The following FREM3 variants were observed in gnomAD, a reference collection of about 807,000 sequenced individuals.
FREM3 encodes FRAS1-related extracellular matrix protein 3.
Under a neutral mutation model 129.1 loss-of-function variants are expected in FREM3, and 105 were observed. The ratio of observed to expected loss-of-function variants is 0.81; its 90% CI spans 0.69 to 0.96. FREM3 has a LOEUF of 0.96. Among genes scored for constraint, FREM3 ranks in the 40% least tolerant of loss-of-function variants. The probability of loss-of-function intolerance (pLI) is 0.00; values close to 1 mark genes in which losing one functional copy is unlikely to be tolerated. For synonymous variants in FREM3, 1,014 were observed against 1,044.9 expected, an observed-to-expected ratio of 0.97 and a Z score of 0.57; for missense variants, 2,593 against 2,666.3, an observed-to-expected ratio of 0.97 and a Z score of 0.61.
At chr4:143,677,545 G>T (rs1443851807) in intron 2 of FREM3, among the ~76,000 whole-genome samples, 1 of 152,200 alleles carries the variant, frequency 6.6e-6, no homozygotes, top group East Asian at 1.9e-4. Flanking sequence ...TGACAAATGG[G>T]ATCTAATTAA....
chr4:143,623,494 C>CG (rs1491458420), intron 4 of FREM3, among the ~76,000 whole-genome samples: 3 of 11,928 alleles, frequency 2.5e-4, no homozygotes, highest in African/African-American at 3.5e-4. Context: ...GAATACTAAT[C>CG]CCCCCCCCCC....
At chr4:143,673,316 G>A (rs776133966) in intron 2 of FREM3, among the ~76,000 whole-genome samples, 1 of 152,202 alleles carries the variant, frequency 6.6e-6, no homozygotes, top group Non-Finnish European at 1.5e-5. Flanking sequence ...TAACAGTCAG[G>A]ACCCTAAGCT....
intron 6 of FREM3, among the ~76,000 whole-genome samples, chr4:143,593,200 G>A (rs1480607178): frequency 1.3e-5 from 2 of 152,132 alleles, no homozygotes; most frequent in Non-Finnish European, 2.9e-5. Flanking sequence ...TTAGCTTGGA[G>A]TAGTTTGATC....
intron 1 of FREM3, among the ~76,000 whole-genome samples, chr4:143,693,495 T>C (rs977500830): frequency 6.6e-6 from 1 of 152,184 alleles, no homozygotes; most frequent in East Asian, 1.9e-4. Flanking sequence ...TATACATTGT[T>C]GGTAGGAGTG....
intron 2 of FREM3, among the ~76,000 whole-genome samples, chr4:143,629,967 T>G (rs553483235): frequency 6.6e-6 from 1 of 152,182 alleles, no homozygotes; most frequent in East Asian, 1.9e-4. Flanking sequence ...AATAAAAACA[T>G]GCACAGTGAG....
intron 6 of FREM3, among the ~76,000 whole-genome samples, chr4:143,586,892 T>G (rs1462953904): frequency 6.6e-6 from 1 of 152,204 alleles, no homozygotes; most frequent in African/African-American, 2.4e-5. Flanking sequence ...AGGAAGCAGA[T>G]TCACCATGGA....
Position 143,700,394 on chromosome 4 carries a change from C to G in FREM3, c.282G>C (p.Arg94=). 4 of 1,534,670 alleles carry G rather than the reference C, an allele frequency of 2.6e-6. No individual in the cohort carries two copies. Among genetic ancestry groups the G allele is most frequent in the East Asian group, 4.9e-5 (2 of 40,850 alleles). Residue 94 remains arginine (R), a synonymous_variant, in exon 1 of 8, where the codon CGG becomes CGC. Coordinates refer to ENST00000329798, the MANE Select transcript of FREM3 (RefSeq NM_001168235.2). ...GGGCGTCCAGTACCGTGACTTCGCA[C>G]CGGTCCCCCGGCTGCACTCCAATCA... ...DLVIGVQPGD[R]CEVTVLDALP... is the part of the protein sequence containing the mutation.
intron 2 of FREM3, among the ~76,000 whole-genome samples, chr4:143,637,559 A>G (rs1739254281): frequency 6.6e-6 from 1 of 152,006 alleles, no homozygotes; most frequent in Admixed American, 6.6e-5. Flanking sequence ...GGTCTCCCTG[A>G]TTGTGCCCTC....
rs774189962 is a variant in FREM3 at position 143,698,369 on chromosome 4, G to A, written c.2307C>T (p.Asp769=). 38 of 1,537,940 alleles carry A rather than the reference G, an allele frequency of 2.5e-5. No homozygotes were observed. The South Asian group carries it at 4.2e-4, about 17-fold the overall frequency. The change falls in exon 1 of 8, where the codon GAC becomes GAT. Residue 769 remains aspartate (D), a synonymous_variant. Coordinates refer to ENST00000329798, the MANE Select transcript of FREM3 (RefSeq NM_001168235.2). ...AGEIVLTDSP[D]TLIMHFTQAQ... ...CTTGGGTAAAGTGCATGATGAGTGT[G>A]TCTGGTGAATCAGTGAGCACAATTT... is the stretch of plus-strand genomic sequence containing the variant.
At chr4:143,586,857 T>C (rs1738252181) in intron 6 of FREM3, among the ~76,000 whole-genome samples, 1 of 152,148 alleles carries the variant, frequency 6.6e-6, no homozygotes, top group Non-Finnish European at 1.5e-5. Context: ...GGCTGTGACA[T>C]CTGGAGGCAA....
At chr4:143,612,266 G>A (rs1477015451) in intron 5 of FREM3, among the ~76,000 whole-genome samples, 1 of 152,114 alleles carries the variant, frequency 6.6e-6, no homozygotes, top group African/African-American at 2.4e-5. Flanking sequence ...CCAGGCCTTG[G>A]AAATCACAAA....
At chr4:143,684,688 G>A (rs187480882) in intron 2 of FREM3, among the ~76,000 whole-genome samples, 6 of 152,286 alleles carry the variant, frequency 3.9e-5, no homozygotes, top group Non-Finnish European at 8.8e-5. Flanking sequence ...GAATTCAAGA[G>A]GTTAGTTATT....
At chr4:143,662,454 A>T (rs1333129459) in intron 2 of FREM3, among the ~76,000 whole-genome samples, 1 of 152,004 alleles carries the variant, frequency 6.6e-6, no homozygotes, top group Non-Finnish European at 1.5e-5. Context: ...TCTGAGAGAC[A>T]GTTTGTTATA....
At chr4:143,644,850 G>T (rs548003194) in intron 2 of FREM3, among the ~76,000 whole-genome samples, 168 of 152,232 alleles carry the variant, frequency 1.1e-3, no homozygotes, top group Non-Finnish European at 2.1e-3. Flanking sequence ...TATTAGGGTA[G>T]GTGGCCTTTT....
chr4:143,584,009 G>C (rs1047034980), intron 7 of FREM3, among the ~76,000 whole-genome samples: 2 of 152,222 alleles, frequency 1.3e-5, no homozygotes, highest in Non-Finnish European at 2.9e-5. Flanking sequence ...AAAGGCCACA[G>C]AGTTGCAAGT....
intron 2 of FREM3, among the ~76,000 whole-genome samples, chr4:143,644,041 GC>G (rs1297958270): frequency 6.6e-6 from 1 of 152,078 alleles, no homozygotes; most frequent in African/African-American, 2.4e-5. Context: ...GAATTATGCT[GC>G]TGCATAATTT....
In FREM3 at chr4:143,695,581, G is replaced by A. The variant is rs1262848934; in HGVS notation, c.5095C>T (p.Leu1699Phe). Residue 1699 changes from leucine to phenylalanine, a missense_variant, in exon 1 of 8, where the codon CTT (leucine) becomes TTT (phenylalanine). By Grantham distance (22) the Leu-to-Phe change is conservative. This residue lies in a region of FREM3 where 2,276 missense variants were observed against 2,267.2 expected (regional missense o/e 1.00). Coordinates refer to ENST00000329798, the MANE Select transcript of FREM3 (RefSeq NM_001168235.2). ...CCTCTGGTCACTTTATACTTCAGAA[G>A]CCTGTGGGGACTGTCCTGATCTTCT... ...KAEDQDSPHR[L>F]LKYKVTRGPE... The A allele has an allele frequency of 4.6e-6, 7 of 1,537,246 alleles. No individual in the cohort carries two copies. Among genetic ancestry groups the A allele is most frequent in the Non-Finnish European group, 6.1e-6 (7 of 1,146,932 alleles).
chr4:143,586,026 C>A (rs1394611122), intron 6 of FREM3, 33 bp from the exon 7 acceptor site: 1 of 1,535,418 alleles, frequency 6.5e-7, no homozygotes, highest in Non-Finnish European at 8.7e-7. Flanking sequence ...ACTAAGAATG[C>A]TTCAGCCTGC....
chr4:143,594,257 C>A (rs1738424220), intron 6 of FREM3, among the ~76,000 whole-genome samples: 1 of 152,162 alleles, frequency 6.6e-6, no homozygotes, highest in Non-Finnish European at 1.5e-5. Flanking sequence ...TCCGACACTC[C>A]CCAGTAAGAT....
Sources: gnomAD v4.1 joint callset for allele counts (sites outside exome capture counted in the v4.1 genomes callset) on GRCh38, gnomAD v4.1.1 for gene constraint, gnomAD v4.1.1 regional missense constraint, MANE v1.5 for transcripts, NCBI Gene and HGNC (gene_info 2026-07-23, HGNC 2026-07-21) for gene names.